Variants in CDX1 observed in about 807,000 individuals in gnomAD.
CDX1 encodes caudal type homeobox 1.
CDX1 carries 9 observed loss-of-function variants against 16.9 expected under a neutral mutation model. The observed-to-expected ratio is 0.53, with a 90% CI of 0.32 to 0.93. The LOEUF (loss-of-function observed/expected upper bound fraction) is 0.93. Ranked by LOEUF, CDX1 falls within the 40% of genes least tolerant of loss-of-function variation. CDX1 has a pLI of 0.04. For missense variants in CDX1, 393 were observed against 386.1 expected (o/e 1.02, Z -0.15); for synonymous variants, 179 against 179.0 (o/e 1.00, Z 0.00).
At chr5:150,167,870 T>C (rs1761455034) in intron 1 of CDX1, among the ~76,000 whole-genome samples, 1 of 152,232 alleles carries the variant, frequency 6.6e-6, no homozygotes, top group African/African-American at 2.4e-5. Flanking sequence ...GCAAGGGGTC[T>C]GTACCTTACC....
rs1580835333 is a variant in CDX1, at chr5:150,167,117, G to A, written c.241G>A (p.Ala81Thr). ...DWAAAYGPGPAAPAASPASLA... is the reference protein window; with the variant it reads ...DWAAAYGPGPTAPAASPASLA... ...GGCCGCCGCCTACGGCCCGGGCCCC[G>A]CGGCCCCTGCCGCCAGCCCAGCTTC... Residue 81 changes from alanine (A) to threonine (T), a missense_variant, in exon 1 of 3, where the codon GCG (alanine) becomes ACG (threonine). Transcript: ENST00000231656. 4.5e-6 allele frequency: 6 copies of A among 1,337,444 alleles called. No homozygotes were observed. The highest frequency in any genetic ancestry group is 1.5e-5 in the African/African-American group (1 of 64,542). The allele number at this position is 1,337,444 out of a possible 1,614,324, so 82.8% of individuals were successfully genotyped here. A position where few individuals can be genotyped will look rare whatever the true frequency, so the allele number is the denominator to read the frequency against.
intron 1 of CDX1, among the ~76,000 whole-genome samples, chr5:150,178,828 C>G (rs1761603516): frequency 6.6e-6 from 1 of 152,056 alleles, no homozygotes; most frequent in African/African-American, 2.4e-5. Flanking sequence ...TGGTAACATA[C>G]TATTTACACT....
intron 1 of CDX1, among the ~76,000 whole-genome samples, chr5:150,178,855 T>C (rs1465305162): frequency 6.6e-6 from 1 of 152,226 alleles, no homozygotes; most frequent in African/African-American, 2.4e-5. Flanking sequence ...TCTTGCTTTT[T>C]TTTTCACACG....
intron 1 of CDX1, among the ~76,000 whole-genome samples, chr5:150,173,684 C>T (rs1256390660): frequency 6.6e-6 from 1 of 152,194 alleles, no homozygotes; most frequent in African/African-American, 2.4e-5. Context: ...AATCATAATG[C>T]GAACCAGCAT....
chr5:150,166,887 G>A lies in CDX1; in HGVS notation c.11G>A (p.Gly4Asp). Residue 4 changes from glycine to aspartate, a missense_variant, in exon 1 of 3, where the codon GGC becomes GAC. Physicochemically the swap from Gly to Asp is moderately conservative, Grantham distance 94. Coordinates refer to ENST00000231656, the MANE Select transcript of CDX1 (RefSeq NM_001804.3). ...GACCCCGCGGCCACCATGTATGTGGGCTATGTGCTGGACAAGGATTCGCCC... is the reference window on the plus strand; with the variant it reads ...GACCCCGCGGCCACCATGTATGTGGACTATGTGCTGGACAAGGATTCGCCC... Reference protein sequence around the residue: MYVGYVLDKDSPVY... With the variant: MYVDYVLDKDSPVY... The A allele has an allele frequency of 6.6e-7, 1 of 1,513,690 alleles. No individual in the cohort carries two copies. Among genetic ancestry groups the A allele is most frequent in the South Asian group, 1.3e-5 (1 of 78,838 alleles). The allele number at this position is 1,513,690 out of a possible 1,614,324, so 93.8% of individuals were successfully genotyped here. A position where few individuals can be genotyped will look rare whatever the true frequency, so the allele number is the denominator to read the frequency against.
intron 1 of CDX1, among the ~76,000 whole-genome samples, chr5:150,174,464 C>T (rs905471642): frequency 1.3e-5 from 2 of 152,160 alleles, no homozygotes; most frequent in African/African-American, 4.8e-5. Flanking sequence ...AGCTAGTAGG[C>T]GTGTGCTGCA....
chr5:150,175,054 G>A (rs1424268888), intron 1 of CDX1, among the ~76,000 whole-genome samples: 1 of 152,052 alleles, frequency 6.6e-6, no homozygotes, highest in Non-Finnish European at 1.5e-5. Flanking sequence ...TGGGATTACA[G>A]GCATGAGCCA....
At chr5:150,180,055 T>C (rs1009073305) in intron 1 of CDX1, among the ~76,000 whole-genome samples, 20 of 152,358 alleles carry the variant, frequency 1.3e-4, no homozygotes, top group African/African-American at 4.6e-4. Flanking sequence ...CCAGCTGCCA[T>C]GCAACCATTG....
intron 1 of CDX1, among the ~76,000 whole-genome samples, chr5:150,176,342 G>A (rs1163769591): frequency 6.6e-6 from 1 of 152,166 alleles, no homozygotes; most frequent in African/African-American, 2.4e-5. Flanking sequence ...CTTGGAAAAG[G>A]GGGCTCTTTG....
intron 1 of CDX1, among the ~76,000 whole-genome samples, chr5:150,180,628 C>T (rs905533436): frequency 2.0e-5 from 3 of 152,082 alleles, no homozygotes; most frequent in South Asian, 2.1e-4. Flanking sequence ...GGGACACTTG[C>T]GAGAGGCGGG....
chr5:150,173,359 C>T (rs996679116), intron 1 of CDX1, among the ~76,000 whole-genome samples: 1 of 152,228 alleles, frequency 6.6e-6, no homozygotes, highest in African/African-American at 2.4e-5. Flanking sequence ...CCTCACTCTG[C>T]TCCTCCCTGC....
chr5:150,167,188 C>G lies in CDX1; in HGVS notation c.312C>G (p.Pro104=), dbSNP rs1761437403. ...PPPDFSPVPA[P]PGPGPGLLAQ... ...CAGACTTTAGCCCGGTGCCGGCGCC[C>G]CCTGGGCCCGGCCCGGGCCTCCTGG... The change falls in exon 1 of 3, where the codon CCC becomes CCG. Residue 104 remains proline (P), a synonymous_variant. Transcript: ENST00000231656. 1 of 1,270,848 alleles carries G rather than the reference C, an allele frequency of 7.9e-7. No homozygotes were observed. The allele number at this position is 1,270,848 out of a possible 1,614,324, so 78.7% of individuals were successfully genotyped here. A position where few individuals can be genotyped will look rare whatever the true frequency, so the allele number is the denominator to read the frequency against.
intron 1 of CDX1, among the ~76,000 whole-genome samples, chr5:150,167,946 C>A (rs141808706): frequency 1.1e-3 from 164 of 152,324 alleles, no homozygotes; most frequent in African/African-American, 3.8e-3. Flanking sequence ...GGAAGGGGGG[C>A]TACTGTTTGG....
At chr5:150,180,051 G>A (rs1761621755) in intron 1 of CDX1, among the ~76,000 whole-genome samples, 1 of 152,242 alleles carries the variant, frequency 6.6e-6, no homozygotes, top group Non-Finnish European at 1.5e-5. Context: ...CCCTCCAGCT[G>A]CCATGCAACC....
rs140551352 is a variant in CDX1, at chr5:150,178,513, AC to A, written c.446-4251del. Among the ~76,000 whole-genome samples, 727 of 151,190 alleles carry A rather than the reference AC, an allele frequency of 4.8e-3. 8 individuals carry two copies. The highest frequency in any genetic ancestry group is 0.017 in the African/African-American group (699 of 41,062). On this transcript the variant is annotated intron_variant, in intron 1 of 2. Transcript: ENST00000231656. ...ATAATTCATCCCCAGCCCTCTCCCC[AC>A]CCCACTGCTCTCACACACCTCCCTG...
At chr5:150,171,445 G>T (rs1359524458) in intron 1 of CDX1, among the ~76,000 whole-genome samples, 3 of 152,102 alleles carry the variant, frequency 2.0e-5, no homozygotes, top group African/African-American at 7.2e-5. Flanking sequence ...ACGCCATTCT[G>T]CTGCCTCAGC....
chr5:150,169,692 G>A (rs1292009590), intron 1 of CDX1, among the ~76,000 whole-genome samples: 2 of 152,136 alleles, frequency 1.3e-5, no homozygotes, highest in Non-Finnish European at 2.9e-5. Flanking sequence ...TGCTGTCCAG[G>A]ACAGCTGAAG....
chr5:150,175,611 G>A (rs1761560124), intron 1 of CDX1, among the ~76,000 whole-genome samples: 1 of 152,246 alleles, frequency 6.6e-6, no homozygotes, highest in Admixed American at 6.5e-5. Context: ...GCCGGGGACT[G>A]CCAGATCAGC....
At chr5:150,180,714 C>A (rs1251001388) in intron 1 of CDX1, among the ~76,000 whole-genome samples, 2 of 152,108 alleles carry the variant, frequency 1.3e-5, no homozygotes, top group Non-Finnish European at 2.9e-5. Flanking sequence ...TTGCGTGCGC[C>A]TCCTATTTAT....
Sources: allele counts gnomAD v4.1 joint callset (sites outside exome capture counted in the v4.1 genomes callset), GRCh38; gene constraint gnomAD v4.1.1; transcripts MANE v1.5; gene names NCBI Gene and HGNC (gene_info 2026-07-23, HGNC 2026-07-21).